Variants in SPON1 observed in about 807,000 individuals in gnomAD.
The protein encoded by SPON1 is spondin-1.
In SPON1, 52 loss-of-function variants were observed where a neutral mutation model predicts 111.7. The observed-to-expected ratio is 0.47, with a 90% CI of 0.37 to 0.59. The LOEUF (loss-of-function observed/expected upper bound fraction) is 0.59, where lower values mean the gene tolerates loss of function less well. Ranked by LOEUF, SPON1 falls within the 20% of genes least tolerant of loss-of-function variation. SPON1 has a pLI of 0.00. For missense variants in SPON1, 957 were observed against 1,068.5 expected, an observed-to-expected ratio of 0.90 and a Z score of 1.46; for synonymous variants, 410 against 395.8, an observed-to-expected ratio of 1.04 and a Z score of -0.43.
chr11:14,100,428 A>T, intron 5 of SPON1, among the ~76,000 whole-genome samples: 1 of 149,070 alleles, frequency 6.7e-6, no homozygotes, highest in African/African-American at 2.5e-5. Context: ...TGCCTAAATT[A>T]TTTTCTTCTG....
chr11:14,213,383 C>T (rs1443953670), intron 6 of SPON1, among the ~76,000 whole-genome samples: 2 of 151,396 alleles, frequency 1.3e-5, no homozygotes, highest in African/African-American at 2.4e-5. Context: ...TCTTGTTTCT[C>T]ATTCCTTTTT....
At chr11:14,179,887 G>C (rs35953478) in intron 6 of SPON1, among the ~76,000 whole-genome samples, 2 of 151,830 alleles carry the variant, frequency 1.3e-5, no homozygotes, top group African/African-American at 4.8e-5. Context: ...CCCTCCCCGC[G>C]TAAAAAGATG....
At chr11:14,264,017 G>GA (rs1220786090) in intron 15 of SPON1, among the ~76,000 whole-genome samples, 1 of 149,734 alleles carries the variant, frequency 6.7e-6, no homozygotes, top group Non-Finnish European at 1.5e-5. Context: ...CAACAAGAGT[G>GA]AAACTCCGTC....
chr11:14,147,869 G>A (rs1438562244), intron 6 of SPON1, among the ~76,000 whole-genome samples: 1 of 151,900 alleles, frequency 6.6e-6, no homozygotes, highest in Non-Finnish European at 1.5e-5. Context: ...AAAACACATG[G>A]ACAGGTCTCA....
At chr11:14,167,729 C>G (rs180750880) in intron 6 of SPON1, among the ~76,000 whole-genome samples, 1 of 152,162 alleles carries the variant, frequency 6.6e-6, no homozygotes, top group East Asian at 1.9e-4. Flanking sequence ...GATTAATTTT[C>G]TAAGAAAACC....
chr11:14,144,427 C>T (rs12785987), intron 6 of SPON1, among the ~76,000 whole-genome samples: 16 of 151,996 alleles, frequency 1.1e-4, no homozygotes, highest in Non-Finnish European at 1.5e-4. Context: ...TTCAGGAGTT[C>T]GAGACCAATC....
chr11:14,112,674 G>C (rs1379384389), intron 5 of SPON1, among the ~76,000 whole-genome samples: 1 of 152,152 alleles, frequency 6.6e-6, no homozygotes, highest in East Asian at 1.9e-4. Context: ...TCATAACTGG[G>C]TCTTAATTTT....
At position 14,056,290 on chromosome 11, in the gene SPON1, A is replaced by C. The variant is rs114939570; in HGVS notation, c.479+14636A>C. The stretch of plus-strand genomic sequence containing the variant: ...AGCTCTAAACAAGGCTATATTATTA[A>C]TGTTGCTGTTATTACTATTGCTTTA... On this transcript the variant is annotated intron_variant, in intron 3 of 15. Coordinates refer to ENST00000576479, the MANE Select transcript of SPON1 (RefSeq NM_006108.4). Among the ~76,000 whole-genome samples the C allele has an allele frequency of 6.8e-3, 1,030 of 152,310 alleles. 23 individuals carry two copies. Among genetic ancestry groups the C allele is most frequent in the African/African-American group, 0.024 (991 of 41,562 alleles).
At chr11:14,081,944 G>A (rs917656966) in intron 5 of SPON1, among the ~76,000 whole-genome samples, 1 of 152,146 alleles carries the variant, frequency 6.6e-6, no homozygotes, top group South Asian at 2.1e-4. Flanking sequence ...TTCTGACTCT[G>A]AGATTCAGCC....
intron 5 of SPON1, among the ~76,000 whole-genome samples, chr11:14,098,732 G>C (rs1258349685): frequency 1.3e-5 from 2 of 151,992 alleles, no homozygotes; most frequent in Non-Finnish European, 2.9e-5. Flanking sequence ...AGGAGAGAGA[G>C]GGAAAGAGAG....
At chr11:14,038,581 G>A (rs542336410) in intron 2 of SPON1, among the ~76,000 whole-genome samples, 1 of 152,052 alleles carries the variant, frequency 6.6e-6, no homozygotes, top group Non-Finnish European at 1.5e-5. Flanking sequence ...TATACAGATG[G>A]CAAGTAAGCA....
chr11:14,245,702 G>T (rs1308649131), intron 7 of SPON1, among the ~76,000 whole-genome samples: 1 of 152,136 alleles, frequency 6.6e-6, no homozygotes, highest in African/African-American at 2.4e-5. Flanking sequence ...GCGCAGCCCA[G>T]CTGGCTGCAT....
chr11:14,116,007 C>G (rs1481062604), intron 5 of SPON1, among the ~76,000 whole-genome samples: 1 of 152,014 alleles, frequency 6.6e-6, no homozygotes, highest in Admixed American at 6.5e-5. Flanking sequence ...TTGAATTTTG[C>G]CTAGTGTGTT....
At chr11:14,080,755 C>CT (rs1288485284) in intron 5 of SPON1, among the ~76,000 whole-genome samples, 8 of 151,960 alleles carry the variant, frequency 5.3e-5, no homozygotes, top group African/African-American at 1.4e-4. Context: ...GTCAGCATGC[C>CT]TTTTTTTTAC....
At chr11:14,033,068 T>C (rs1848570705) in intron 2 of SPON1, among the ~76,000 whole-genome samples, 1 of 152,228 alleles carries the variant, frequency 6.6e-6, no homozygotes, top group Non-Finnish European at 1.5e-5. Flanking sequence ...CCACAGAAGA[T>C]GTCCCTTCTT....
At chr11:14,054,727 G>T (rs1272431402) in intron 3 of SPON1, among the ~76,000 whole-genome samples, 1 of 152,182 alleles carries the variant, frequency 6.6e-6, no homozygotes, top group Non-Finnish European at 1.5e-5. Context: ...AATCCCAGAT[G>T]AAAGCCACAG....
chr11:14,139,708 A>AT lies in SPON1; in HGVS notation c.825+4140_825+4141insT, dbSNP rs1847630253. 3.7e-5 allele frequency among the ~76,000 whole-genome samples: 5 copies of AT among 134,306 alleles called. No individual in the cohort carries two copies. In the Admixed American group the frequency reaches 3.9e-4, roughly 10 times the overall value. 88.1% of individuals were successfully genotyped at this position (134,306 alleles called of 152,430 possible). On this transcript the variant is annotated intron_variant, in intron 6 of 15. Coordinates refer to ENST00000576479, the MANE Select transcript of SPON1 (RefSeq NM_006108.4). ...ACAGTGGAGAAAAGGAAAACATGTA[A>AT]AATATATATATATATATTTAAGTGA...
rs1564923639 is a variant in SPON1, at chr11:14,174,419, A to G, written c.825+38851A>G. The stretch of plus-strand genomic sequence containing the variant: ...TATTTCCTACCTAGTTATAATGTGA[A>G]GTAATTTGATACCCCCAAAACTCAA... On this transcript the variant is annotated intron_variant, in intron 6 of 15. Transcript: ENST00000576479. Among the ~76,000 whole-genome samples, 2 of 152,230 alleles carry G rather than the reference A, an allele frequency of 1.3e-5. 1 individual carries two copies. Among genetic ancestry groups the G allele is most frequent in the Non-Finnish European group, 2.9e-5 (2 of 68,038 alleles).
At chr11:14,014,731 A>C (rs781930955) in intron 2 of SPON1, among the ~76,000 whole-genome samples, 1 of 152,258 alleles carries the variant, frequency 6.6e-6, no homozygotes, top group African/African-American at 2.4e-5. Flanking sequence ...CACAAAACAC[A>C]GGAAGCATTT....
Sources: gnomAD v4.1 joint callset for allele counts (sites outside exome capture counted in the v4.1 genomes callset) on GRCh38, gnomAD v4.1.1 for gene constraint, MANE v1.5 for transcripts, NCBI Gene and HGNC (gene_info 2026-07-23, HGNC 2026-07-21) for gene names.